Variants in CTNND2 observed in about 807,000 individuals in gnomAD.
The protein encoded by CTNND2 is catenin delta 2.
CTNND2 carries 22 observed loss-of-function variants against 144.4 expected under a neutral mutation model. The ratio of observed to expected loss-of-function variants is 0.15; its 90% CI spans 0.11 to 0.22. The LOEUF is 0.22. Among genes scored for constraint, CTNND2 ranks in the 10% least tolerant of loss-of-function variants. CTNND2 has a pLI of 1.00. For synonymous variants in CTNND2, 751 were observed against 695.6 expected (o/e 1.08, Z -1.25); for missense variants, 1,353 against 1,618.8 (o/e 0.84, Z 2.82).
At chr5:11,358,445 T>A (rs1368889683) in intron 8 of CTNND2, among the ~76,000 whole-genome samples, 1 of 152,174 alleles carries the variant, frequency 6.6e-6, no homozygotes, top group East Asian at 1.9e-4. Context: ...GGCATTTAAC[T>A]TTTTAGCCTA....
chr5:11,058,353 C>G (rs1561237362), intron 16 of CTNND2, among the ~76,000 whole-genome samples: 1 of 152,176 alleles, frequency 6.6e-6, no homozygotes, highest in South Asian at 2.1e-4. Context: ...TGCATCCCAG[C>G]TGCTCCAGCC....
intron 5 of CTNND2, among the ~76,000 whole-genome samples, chr5:11,404,825 G>A (rs893786845): frequency 5.9e-5 from 9 of 151,820 alleles, no homozygotes; most frequent in Non-Finnish European, 8.8e-5. Context: ...GGTCAGGCTG[G>A]TCTCAAACTA....
At chr5:11,241,617 C>T (rs769572929) in intron 9 of CTNND2, among the ~76,000 whole-genome samples, 3 of 152,202 alleles carry the variant, frequency 2.0e-5, no homozygotes, top group Non-Finnish European at 4.4e-5. Context: ...AAAGAGCACC[C>T]TCCAGCAGAA....
chr5:11,042,363 A>G (rs1264072818), intron 16 of CTNND2, among the ~76,000 whole-genome samples: 1 of 152,214 alleles, frequency 6.6e-6, no homozygotes, highest in African/African-American at 2.4e-5. Context: ...CTTTATTCCT[A>G]AATGCATCTG....
At chr5:11,396,023 T>C (rs1171592984) in intron 6 of CTNND2, among the ~76,000 whole-genome samples, 2 of 152,026 alleles carry the variant, frequency 1.3e-5, no homozygotes, top group African/African-American at 2.4e-5. Flanking sequence ...CATCAATAAA[T>C]TGGTGAAAGA....
At chr5:11,063,610 C>G (rs534676134) in intron 16 of CTNND2, among the ~76,000 whole-genome samples, 8 of 152,028 alleles carry the variant, frequency 5.3e-5, no homozygotes, top group Non-Finnish European at 1.2e-4. Flanking sequence ...AAAGGAATGA[C>G]GTAGAATTTC....
chr5:11,561,100 G>A (rs1177975953), intron 3 of CTNND2, among the ~76,000 whole-genome samples: 1 of 152,154 alleles, frequency 6.6e-6, no homozygotes, highest in Non-Finnish European at 1.5e-5. Flanking sequence ...CTCAGGAATG[G>A]GCCTTGGGCT....
At chr5:11,517,544 G>A (rs934886747) in intron 3 of CTNND2, among the ~76,000 whole-genome samples, 8 of 151,358 alleles carry the variant, frequency 5.3e-5, no homozygotes, top group Non-Finnish European at 1.0e-4. Context: ...AATGACCACC[G>A]CAAACTAATA....
chr5:11,258,292 A>G (rs916569462), intron 9 of CTNND2, among the ~76,000 whole-genome samples: 3 of 152,194 alleles, frequency 2.0e-5, no homozygotes, highest in South Asian at 2.1e-4. Flanking sequence ...ACCAGGCCCA[A>G]AGCATTTGGA....
intron 15 of CTNND2, chr5:11,084,041 CCA>C (rs764353309): frequency 3.0e-5 from 23 of 771,406 alleles, no homozygotes; most frequent in Non-Finnish European, 3.5e-5. Flanking sequence ...CACCATCAAC[CCA>C]CACTGTATGC....
chr5:11,250,326 C>T, intron 9 of CTNND2, among the ~76,000 whole-genome samples: 1 of 151,706 alleles, frequency 6.6e-6, no homozygotes, highest in East Asian at 1.9e-4. Context: ...TACCCAATTA[C>T]CTTTCATTTC....
At chr5:11,404,252 G>A (rs1266832487) in intron 5 of CTNND2, among the ~76,000 whole-genome samples, 1 of 152,062 alleles carries the variant, frequency 6.6e-6, no homozygotes, top group Non-Finnish European at 1.5e-5. Flanking sequence ...CCCCATCAGG[G>A]GCCACGAAGA....
At chr5:11,859,939 C>A (rs140377736) in intron 1 of CTNND2, among the ~76,000 whole-genome samples, 33 of 152,224 alleles carry the variant, frequency 2.2e-4, no homozygotes, top group Admixed American at 2.6e-4. Flanking sequence ...ACTGAAAGAT[C>A]CCTCCCCATC....
intron 2 of CTNND2, among the ~76,000 whole-genome samples, chr5:11,595,328 G>A (rs1213453691): frequency 2.6e-5 from 4 of 152,180 alleles, no homozygotes; most frequent in Non-Finnish European, 5.9e-5. Flanking sequence ...GAAACCAAGT[G>A]TCAGACAGAC....
At chr5:11,395,178 A>G (rs1759974204) in intron 6 of CTNND2, among the ~76,000 whole-genome samples, 1 of 152,230 alleles carries the variant, frequency 6.6e-6, no homozygotes, top group South Asian at 2.1e-4. Context: ...ATAACACTAA[A>G]AGCAGAGTGA....
intron 2 of CTNND2, among the ~76,000 whole-genome samples, chr5:11,580,825 T>C (rs1258412909): frequency 2.0e-5 from 3 of 152,216 alleles, no homozygotes; most frequent in African/African-American, 7.2e-5. Context: ...ACTGACTTTT[T>C]CACTGACACA....
chr5:11,485,381 G>A (rs1376355903), intron 3 of CTNND2, among the ~76,000 whole-genome samples: 13 of 88,762 alleles, frequency 1.5e-4, no homozygotes, highest in East Asian at 4.9e-4. Flanking sequence ...GTGTGCGCGC[G>A]CGCGCGTGCG....
intron 16 of CTNND2, among the ~76,000 whole-genome samples, chr5:11,036,904 C>T (rs1580109526): frequency 6.6e-6 from 1 of 152,088 alleles, no homozygotes; most frequent in African/African-American, 2.4e-5. Context: ...TACAAAAAGA[C>T]CTGCCAAGAC....
At chr5:11,725,547 G>T (rs1786968057) in intron 2 of CTNND2, among the ~76,000 whole-genome samples, 1 of 152,040 alleles carries the variant, frequency 6.6e-6, no homozygotes, top group African/African-American at 2.4e-5. Context: ...AAAAATATCA[G>T]ACAACACATT....
Sources: allele counts gnomAD v4.1 joint callset (sites outside exome capture counted in the v4.1 genomes callset), GRCh38; gene constraint gnomAD v4.1.1; transcripts MANE v1.5; gene names NCBI Gene and HGNC (gene_info 2026-07-23, HGNC 2026-07-21).